BLZF1: variants seen among roughly 807,000 people sequenced by gnomAD.
BLZF1 encodes the protein golgin-45.
A neutral mutation model predicts 43.8 loss-of-function variants in BLZF1; 39 were observed. The observed-to-expected ratio is 0.89, with a 90% CI of 0.69 to 1.16. The LOEUF (loss-of-function observed/expected upper bound fraction) is 1.16. BLZF1 is among the 50% of genes most tolerant of loss of function. The pLI is 0.00. For missense variants in BLZF1, 449 were observed against 469.8 expected, an observed-to-expected ratio of 0.96 and a Z score of 0.41; for synonymous variants, 136 against 159.4, an observed-to-expected ratio of 0.85 and a Z score of 1.11.
chr1:169,386,665 C>T (rs1314162430), intron 6 of BLZF1, among the ~76,000 whole-genome samples: 23 of 134,646 alleles, frequency 1.7e-4, no homozygotes, highest in African/African-American at 6.1e-4. Context: ...GGCCACAGAG[C>T]GAGACTCCAT....
At chr1:169,369,571 T>A (rs747681773) in intron 2 of BLZF1, 21 bp downstream of exon 2, 3 of 1,571,114 alleles carry the variant, frequency 1.9e-6, no homozygotes, top group South Asian at 1.1e-5. Flanking sequence ...TTTTTATAAT[T>A]GTTTTTAAAA....
At position 169,378,447 on chromosome 1, in the gene BLZF1, C is replaced by A; in HGVS notation, c.586C>A (p.Arg196=). 1 of 1,612,834 alleles carries A rather than the reference C, an allele frequency of 6.2e-7. No individual in the cohort carries two copies. Among genetic ancestry groups the A allele is most frequent in the Non-Finnish European group, 8.5e-7 (1 of 1,179,144 alleles). The change falls in exon 4 of 7, where the codon CGA becomes AGA. Residue 196 remains arginine, a synonymous_variant. Coordinates refer to ENST00000367808, the MANE Select transcript of BLZF1 (RefSeq NM_001320973.2). ...QLILENEALG[R]NTAQLSEQLE... ...TATTTTAGAAAATGAAGCCCTAGGTCGAAACACAGCTCAGCTTTCTGAACA... is the reference window on the plus strand; with the variant it reads ...TATTTTAGAAAATGAAGCCCTAGGTAGAAACACAGCTCAGCTTTCTGAACA...
intron 2 of BLZF1, among the ~76,000 whole-genome samples, chr1:169,370,216 A>G (rs989002501): frequency 3.9e-5 from 6 of 152,226 alleles, no homozygotes; most frequent in African/African-American, 1.4e-4. Context: ...TCATATTGAA[A>G]AAAGGAACCC....
chr1:169,389,815 A>G (rs1235354993), downstream of BLZF1, among the ~76,000 whole-genome samples: 1 of 152,244 alleles, frequency 6.6e-6, no homozygotes, highest in Non-Finnish European at 1.5e-5. Context: ...AACCTTTAGA[A>G]TATTATACTA....
intron 6 of BLZF1, among the ~76,000 whole-genome samples, chr1:169,385,119 C>T (rs1237087983): frequency 2.6e-5 from 4 of 152,298 alleles, no homozygotes; most frequent in Non-Finnish European, 5.9e-5. Context: ...GTTTATATAA[C>T]TTTATAGCTT....
At chr1:169,375,211 G>A (rs1372611368) in intron 2 of BLZF1, among the ~76,000 whole-genome samples, 1 of 150,914 alleles carries the variant, frequency 6.6e-6, no homozygotes, top group Non-Finnish European at 1.5e-5. Flanking sequence ...TTAACTTGAA[G>A]GGAATATATT....
chr1:169,369,761 G>GACT (rs1328710598), intron 2 of BLZF1, among the ~76,000 whole-genome samples: 1 of 152,052 alleles, frequency 6.6e-6, no homozygotes, highest in East Asian at 1.9e-4. Flanking sequence ...TTTATTAGGT[G>GACT]ACTACTCTTA....
chr1:169,387,236 T>C lies in BLZF1; in HGVS notation c.*54T>C. On this transcript the variant is annotated 3_prime_UTR_variant, in exon 7 of 7. Coordinates refer to ENST00000367808, the MANE Select transcript of BLZF1 (RefSeq NM_001320973.2). ...TACTTCCTTATTACCCAAGAGTCATTATTATTTGGGAGCTGGGGTTCTTAC... is the reference window on the plus strand; with the variant it reads ...TACTTCCTTATTACCCAAGAGTCATCATTATTTGGGAGCTGGGGTTCTTAC... 1.3e-6 allele frequency: 2 copies of C among 1,517,294 alleles called. No homozygotes were observed. The highest frequency in any genetic ancestry group is 1.7e-4 in the Middle Eastern group (1 of 5,818). The allele number at this position is 1,517,294 out of a possible 1,614,324, so 94.0% of individuals were successfully genotyped here.
intron 7 of BLZF1, chr1:169,395,076 GT>G: frequency 6.2e-7 from 1 of 1,607,308 alleles, no homozygotes; most frequent in African/African-American, 1.3e-5. Flanking sequence ...AAACGAAAAG[GT>G]TTGGCTTCTG....
intron 6 of BLZF1, among the ~76,000 whole-genome samples, chr1:169,383,857 A>T (rs1339296175): frequency 1.3e-5 from 2 of 151,938 alleles, no homozygotes; most frequent in African/African-American, 4.8e-5. Context: ...TAAGTTTTTG[A>T]GGGGGAGGGG....
At chr1:169,396,074 AT>A (rs1655015743) in exon 8 of BLZF1, 2 of 152,192 alleles carry the variant, frequency 1.3e-5, no homozygotes, top group Admixed American at 1.3e-4. Context: ...TGAAAAGCAG[AT>A]TGCAGAAATA....
chr1:169,390,106 C>T (rs1004379901), downstream of BLZF1, among the ~76,000 whole-genome samples: 1 of 152,052 alleles, frequency 6.6e-6, no homozygotes, highest in African/African-American at 2.4e-5. Context: ...AAATTTTACA[C>T]GTTACAATTA....
chr1:169,369,176 T>G (rs1246262215), intron 1 of BLZF1, among the ~76,000 whole-genome samples: 2 of 152,186 alleles, frequency 1.3e-5, no homozygotes, highest in African/African-American at 4.8e-5. Context: ...ACCACCACAG[T>G]AACTTCATTC....
intron 2 of BLZF1, among the ~76,000 whole-genome samples, chr1:169,371,602 GGTT>G (rs1360743379): frequency 1.3e-5 from 2 of 152,158 alleles, no homozygotes; most frequent in African/African-American, 4.8e-5. Context: ...AGATAAGTAC[GGTT>G]GTTTGGTATA....
intron 2 of BLZF1, among the ~76,000 whole-genome samples, chr1:169,375,821 C>G (rs866821378): frequency 6.6e-6 from 1 of 151,562 alleles, no homozygotes; most frequent in African/African-American, 2.4e-5. Flanking sequence ...TATACACACA[C>G]ACTACATGCA....
intron 6 of BLZF1, among the ~76,000 whole-genome samples, chr1:169,382,494 G>A (rs940001793): frequency 2.0e-5 from 3 of 152,130 alleles, no homozygotes; most frequent in Non-Finnish European, 2.9e-5. Context: ...GACAAAAAAA[G>A]TAATTGTTTT....
intron 2 of BLZF1, among the ~76,000 whole-genome samples, chr1:169,376,014 A>T (rs2102010321): frequency 6.6e-6 from 1 of 152,184 alleles, no homozygotes; most frequent in East Asian, 1.9e-4. Flanking sequence ...TAAGAATAGG[A>T]TTGAATCTTT....
chr1:169,393,269 C>T (rs546976114), downstream of BLZF1, among the ~76,000 whole-genome samples: 305 of 151,862 alleles, frequency 2.0e-3, 4 homozygotes, highest in African/African-American at 7.0e-3. Flanking sequence ...CTCTACCTCA[C>T]GCCATATATA....
chr1:169,369,675 A>G (rs1225783667), intron 2 of BLZF1, 125 bp downstream of exon 2: 1 of 672,430 alleles, frequency 1.5e-6, no homozygotes, highest in African/African-American at 1.8e-5. Context: ...AGATCCCTTT[A>G]TGTTTATTTT....
Sources: gnomAD v4.1 joint callset for allele counts (sites outside exome capture counted in the v4.1 genomes callset) on GRCh38, gnomAD v4.1.1 for gene constraint, MANE v1.5 for transcripts, NCBI Gene and HGNC (gene_info 2026-07-23, HGNC 2026-07-21) for gene names.